KLHL2: variants seen among roughly 807,000 people sequenced by gnomAD.
KLHL2 encodes the protein kelch like family member 2, also known as kelch-like protein 2.
Under a neutral mutation model 75.8 loss-of-function variants are expected in KLHL2, and 15 were observed. The observed-to-expected ratio is 0.20, with a 90% confidence interval of 0.13 to 0.30. KLHL2 has a LOEUF of 0.30. Ranked by LOEUF, KLHL2 falls within the 10% of genes least tolerant of loss-of-function variation. The pLI is 1.00. For synonymous variants in KLHL2, 214 were observed against 251.9 expected, an observed-to-expected ratio of 0.85 and a Z score of 1.42; for missense variants, 381 against 741.0, an observed-to-expected ratio of 0.51 and a Z score of 5.64.
At chr4:165,286,323 C>T (rs1261251300) in intron 5 of KLHL2, among the ~76,000 whole-genome samples, 1 of 152,144 alleles carries the variant, frequency 6.6e-6, no homozygotes, top group Non-Finnish European at 1.5e-5. Context: ...TGGAGACTAA[C>T]AGACAGCTAG....
chr4:165,288,504 C>T (rs1032924126), intron 5 of KLHL2, among the ~76,000 whole-genome samples: 1 of 152,184 alleles, frequency 6.6e-6, no homozygotes, highest in East Asian at 1.9e-4. Flanking sequence ...TGAAAAAATG[C>T]ATTCTCACAT....
At chr4:165,264,903 G>A (rs1174162172) in intron 5 of KLHL2, among the ~76,000 whole-genome samples, 8 of 150,968 alleles carry the variant, frequency 5.3e-5, no homozygotes, top group African/African-American at 9.7e-5. Context: ...GTAGATACTC[G>A]GTAGTGAAAT....
intron 1 of KLHL2, among the ~76,000 whole-genome samples, chr4:165,214,037 A>G (rs1204429853): frequency 6.6e-6 from 1 of 152,142 alleles, no homozygotes; most frequent in Non-Finnish European, 1.5e-5. Flanking sequence ...AAGCCCAGAG[A>G]GGCTAAGTGA....
intron 5 of KLHL2, chr4:165,278,193 C>T (rs55806488): frequency 0.24 from 298,465 of 1,255,686 alleles, 39,725 homozygotes; most frequent in Non-Finnish European, 0.28. Flanking sequence ...TCAAACCGCT[C>T]CATCGTGACG....
At chr4:165,304,049 A>G (rs1244791863) in intron 8 of KLHL2, among the ~76,000 whole-genome samples, 1 of 151,102 alleles carries the variant, frequency 6.6e-6, no homozygotes, top group Non-Finnish European at 1.5e-5. Flanking sequence ...CCAATTTTTA[A>G]TTTTTGTTAT....
At chr4:165,290,791 A>AC (rs1225118421) in intron 5 of KLHL2, among the ~76,000 whole-genome samples, 1 of 152,030 alleles carries the variant, frequency 6.6e-6, no homozygotes, top group Middle Eastern at 3.2e-3. Context: ...ACATGGTGAA[A>AC]CCCCGTCTCT....
intron 9 of KLHL2, among the ~76,000 whole-genome samples, chr4:165,310,285 A>G (rs1459613088): frequency 1.3e-5 from 2 of 152,246 alleles, no homozygotes; most frequent in Non-Finnish European, 2.9e-5. Flanking sequence ...AGATGGCGCC[A>G]CTGCACTCCA....
intron 5 of KLHL2, among the ~76,000 whole-genome samples, chr4:165,293,670 ATT>A (rs35736944): frequency 1.7e-4 from 22 of 125,946 alleles, no homozygotes; most frequent in East Asian, 9.2e-4. Flanking sequence ...TGCCTGGCTA[ATT>A]TTTTTTTTTT....
At chr4:165,241,479 C>A (rs924287148) in intron 4 of KLHL2, among the ~76,000 whole-genome samples, 1 of 151,420 alleles carries the variant, frequency 6.6e-6, no homozygotes, top group African/African-American at 2.4e-5. Flanking sequence ...ATTTATATGC[C>A]CTGAAGGTGC....
At chr4:165,244,384 A>G (rs933771341) in intron 4 of KLHL2, among the ~76,000 whole-genome samples, 11 of 152,362 alleles carry the variant, frequency 7.2e-5, no homozygotes, top group Admixed American at 7.2e-4. Context: ...GACGTGTGCA[A>G]GCACAGTAGA....
At chr4:165,290,333 C>T (rs1744413912) in intron 5 of KLHL2, among the ~76,000 whole-genome samples, 1 of 151,982 alleles carries the variant, frequency 6.6e-6, no homozygotes, top group Non-Finnish European at 1.5e-5. Flanking sequence ...TGGTGTTTTA[C>T]TATGTTGGCC....
At chr4:165,315,933 G>T (rs1746558468) in intron 13 of KLHL2, among the ~76,000 whole-genome samples, 1 of 152,150 alleles carries the variant, frequency 6.6e-6, no homozygotes, top group South Asian at 2.1e-4. Flanking sequence ...GAGTAAAAAT[G>T]AAATAAATTT....
chr4:165,293,440 G>A (rs968815468), intron 5 of KLHL2, among the ~76,000 whole-genome samples: 4 of 151,450 alleles, frequency 2.6e-5, no homozygotes, highest in African/African-American at 2.4e-5. Flanking sequence ...AATTTGATCC[G>A]AAATAAACTA....
At chr4:165,265,910 T>C (rs1742204346) in intron 5 of KLHL2, among the ~76,000 whole-genome samples, 1 of 152,204 alleles carries the variant, frequency 6.6e-6, no homozygotes, top group Non-Finnish European at 1.5e-5. Context: ...TCTTCCACGA[T>C]GGTTGAACTA....
At chr4:165,224,542 G>GT (rs201539015) in intron 2 of KLHL2, among the ~76,000 whole-genome samples, 2,651 of 152,280 alleles carry the variant, frequency 0.017, 42 homozygotes, top group Middle Eastern at 0.041. Flanking sequence ...TGGTTATTGT[G>GT]TTTTTCCTCC....
chr4:165,257,179 G>C (rs1741244920), intron 4 of KLHL2, among the ~76,000 whole-genome samples: 1 of 152,190 alleles, frequency 6.6e-6, no homozygotes, highest in South Asian at 2.1e-4. Flanking sequence ...CTTATGTGCA[G>C]TTCATTTATT....
At chr4:165,238,251 CGTT>C (rs551153893) in intron 3 of KLHL2, among the ~76,000 whole-genome samples, 103 of 152,256 alleles carry the variant, frequency 6.8e-4, no homozygotes, top group African/African-American at 2.3e-3. Flanking sequence ...TTTGTTTTCT[CGTT>C]GTCTCTGGCA....
chr4:165,259,303 A>G (rs1327069400), intron 4 of KLHL2, among the ~76,000 whole-genome samples: 2 of 152,138 alleles, frequency 1.3e-5, no homozygotes, highest in African/African-American at 4.8e-5. Context: ...AGGTTTTGCT[A>G]TGTTGGCCAG....
At chr4:165,306,796 C>T (rs1745762725) in intron 9 of KLHL2, among the ~76,000 whole-genome samples, 1 of 152,062 alleles carries the variant, frequency 6.6e-6, no homozygotes, top group South Asian at 2.1e-4. Flanking sequence ...GCCTTTTTGT[C>T]TGTGATATGT....
Sources: allele counts gnomAD v4.1 joint callset (sites outside exome capture counted in the v4.1 genomes callset), GRCh38; gene constraint gnomAD v4.1.1; transcripts MANE v1.5; gene names NCBI Gene and HGNC (gene_info 2026-07-23, HGNC 2026-07-21).